The following AGXT variants were observed in gnomAD, a reference collection of about 807,000 sequenced individuals.
AGXT encodes L-alanine: glyoxylate aminotransferase 1.
AGXT carries 41 observed loss-of-function variants against 46.9 expected under a neutral mutation model. The observed-to-expected ratio is 0.88, with a 90% CI of 0.68 to 1.14. AGXT has a LOEUF of 1.14. Among genes scored for constraint, AGXT ranks in the 50% most tolerant of loss-of-function variants. AGXT has a pLI of 0.00. For synonymous variants in AGXT, 244 were observed against 227.9 expected (o/e 1.07, Z -0.64); for missense variants, 525 against 522.7 (o/e 1.00, Z -0.04).
chr2:240,874,081 C>A lies in AGXT; in HGVS notation c.680+19C>A. 3 of 1,610,650 alleles carry A rather than the reference C, an allele frequency of 1.9e-6. No homozygotes were observed. Among genetic ancestry groups the A allele is most frequent in the Non-Finnish European group, 2.5e-6 (3 of 1,177,634 alleles). On this transcript the variant is annotated intron_variant, in intron 6 of 10. Transcript: ENST00000307503. ...AGGCCAAGTGAGTGACCCACAGACC[C>A]TCACCTCTGTGCAGGGCTGGGCTTG...
At chr2:240,875,906 G>A (rs1011923004) in intron 7 of AGXT, 29 bp from the exon 8 acceptor site, 2 of 1,613,324 alleles carry the variant, frequency 1.2e-6, no homozygotes, top group Non-Finnish European at 8.5e-7. Flanking sequence ...TGCCCATGGT[G>A]CTGGACCAAG....
At chr2:240,871,657 C>T (rs1432098572) in intron 4 of AGXT, among the ~76,000 whole-genome samples, 1 of 152,172 alleles carries the variant, frequency 6.6e-6, no homozygotes, top group Admixed American at 6.5e-5. Flanking sequence ...TCAGGTGCTC[C>T]CTGGCCGAGC....
intron 8 of AGXT, among the ~76,000 whole-genome samples, chr2:240,876,530 G>A (rs932559312): frequency 6.6e-6 from 1 of 152,340 alleles, no homozygotes; most frequent in East Asian, 1.9e-4. Context: ...CTCAGGCCCA[G>A]CAGCTCTGCA....
chr2:240,877,805 C>T lies in AGXT; in HGVS notation c.942+173C>T, dbSNP rs4073369. 0.019 allele frequency among the ~76,000 whole-genome samples: 2,921 copies of T among 152,296 alleles called. 254 individuals are homozygous for T. Among genetic ancestry groups the T allele is most frequent in the Admixed American group, 0.14 (2,211 of 15,302 alleles). On this transcript the variant is annotated intron_variant, in intron 9 of 10. Transcript: ENST00000307503. ...GCAGGAGCCACGAAGTCACAGCTCC[C>T]GGCCTCTGATGCGGGATCTCAGGAC...
chr2:240,872,453 A>C (rs13020254), intron 4 of AGXT, among the ~76,000 whole-genome samples: 7,007 of 50,734 alleles, frequency 0.14, 211 homozygotes, highest in Non-Finnish European at 0.18. Flanking sequence ...AACATGCAGG[A>C]GGAGGAGGGC....
chr2:240,875,896 T>C (rs369330326), intron 7 of AGXT, 39 bp from the exon 8 acceptor site: 44 of 1,606,166 alleles, frequency 2.7e-5, no homozygotes, highest in Non-Finnish European at 3.6e-5. Context: ...CCCCCAACCC[T>C]GCCCATGGTG....
chr2:240,876,182 G>A (rs2059023979), intron 8 of AGXT, among the ~76,000 whole-genome samples, 178 bp downstream of exon 8: 2 of 152,188 alleles, frequency 1.3e-5, no homozygotes, highest in Admixed American at 1.3e-4. Flanking sequence ...TGCGGGCAGG[G>A]CCAGGGGGAT....
rs1482105511 is a variant in AGXT, at chr2:240,878,709, C to G, written c.1072-5C>G. 6.4e-7 allele frequency: 1 copy of G among 1,550,686 alleles called. No individual in the cohort carries two copies. Among genetic ancestry groups the G allele is most frequent in the East Asian group, 2.4e-5 (1 of 41,900 alleles). Reference sequence around the variant, plus strand: ...GCTGACGTCAGCCCGCCCTGTGCCCCCCAGGTGCTGCGGATCGGCCTGCTG... The same window carrying G: ...GCTGACGTCAGCCCGCCCTGTGCCCGCCAGGTGCTGCGGATCGGCCTGCTG... On this transcript the variant is annotated splice_region_variant and splice_polypyrimidine_tract_variant and intron_variant, in intron 10 of 10. Transcript: ENST00000307503.
At chr2:240,877,990 C>A (rs760415073) in intron 9 of AGXT, 32 bp from the exon 10 acceptor site, 2 of 1,606,976 alleles carry the variant, frequency 1.2e-6, no homozygotes, top group Admixed American at 3.3e-5. Context: ...CAGGGCCTCT[C>A]ACCCACGCAC....
At position 240,877,559 on chromosome 2, in the gene AGXT, A is replaced by C. The variant is rs1191080216; in HGVS notation, c.869A>C (p.Gln290Pro). Residue 290 changes from glutamine (Q) to proline (P), a missense_variant, in exon 9 of 11, where the codon CAG becomes CCG. Gln to Pro is a moderately conservative substitution (Grantham distance 76). Coordinates refer to ENST00000307503, the MANE Select transcript of AGXT (RefSeq NM_000030.3). ...AEQGLENSWR[Q>P]HREAAAYLHG... ...CAGGGCCTGGAGAACAGCTGGCGCC[A>C]GCACCGCGAGGCCGCGGCGTATCTG... 1 of 1,550,118 alleles carries C rather than the reference A, an allele frequency of 6.5e-7. No individual in the cohort carries two copies. Among genetic ancestry groups the C allele is most frequent in the Non-Finnish European group, 8.7e-7 (1 of 1,146,476 alleles).
intron 2 of AGXT, among the ~76,000 whole-genome samples, chr2:240,870,002 C>G (rs2058983127): frequency 6.6e-6 from 1 of 152,138 alleles, no homozygotes; most frequent in Non-Finnish European, 1.5e-5. Flanking sequence ...TCAAGGGGAC[C>G]CAGGGTCGGC....
At chr2:240,874,185 G>C in intron 6 of AGXT, 123 bp downstream of exon 6, 2 of 968,844 alleles carry the variant, frequency 2.1e-6, no homozygotes, top group Admixed American at 2.1e-5. Flanking sequence ...AGCACCTGGC[G>C]CTCTCCCGCC....
chr2:240,875,886 C>T (rs371698722), intron 7 of AGXT, 49 bp from the exon 8 acceptor site: 8 of 1,591,072 alleles, frequency 5.0e-6, no homozygotes, highest in Non-Finnish European at 5.2e-6. Context: ...GCCCCATCTG[C>T]CCCCAACCCT....
chr2:240,877,414 G>A (rs2059031416), intron 8 of AGXT, 123 bp from the exon 9 acceptor site: 2 of 937,298 alleles, frequency 2.1e-6, no homozygotes, highest in Non-Finnish European at 3.3e-6. Context: ...TCAAACTGGG[G>A]GCTCCAGGGG....
Position 240,879,487 on chromosome 2 carries a change from A to G in AGXT, c.*666A>G, listed in dbSNP as rs1260731045. The G allele has an allele frequency of 6.5e-6, 1 of 152,830 alleles. No individual in the cohort carries two copies. The highest frequency in any genetic ancestry group is 2.4e-5 in the African/African-American group (1 of 41,442). 9.5% of individuals were successfully genotyped at this position (152,830 alleles called of 1,614,324 possible). The stretch of plus-strand genomic sequence containing the variant: ...CCTCAACTGCCTGACTTCTGTGACC[A>G]TAGATCAGCCTGGCATATTTGAATT... On this transcript the variant is annotated 3_prime_UTR_variant, in exon 11 of 11. Transcript: ENST00000307503.
rs180177235 is a variant in AGXT, at chr2:240,872,987, G to A, written c.533G>A (p.Cys178Tyr). The part of the protein sequence containing the change: ...GFGELCHRYK[C>Y]LLLVDSVASL... ...GTCCCCCACCTCTCCAGGTACAAGT[G>A]CCTGCTCCTGGTGGATTCGGTGGCA... Residue 178 changes from cysteine (C) to tyrosine (Y), a missense_variant, in exon 5 of 11, where the codon TGC becomes TAC. Coordinates refer to ENST00000307503, the MANE Select transcript of AGXT (RefSeq NM_000030.3). The A allele has an allele frequency of 1.2e-6, 2 of 1,613,898 alleles. No homozygotes were observed. Among genetic ancestry groups the A allele is most frequent in the Non-Finnish European group, 1.7e-6 (2 of 1,179,864 alleles).
rs1424708436 is a variant in AGXT at position 240,878,166 on chromosome 2, T to C, written c.1071+16T>C. 6.2e-7 allele frequency: 1 copy of C among 1,611,770 alleles called. No homozygotes were observed. The highest frequency in any genetic ancestry group is 1.7e-5 in the Admixed American group (1 of 59,990). ...CACGGGGAAGGTGAGAGGGAGCGCC[T>C]CGAGGGCCTTTTGCAGAAACCAAAC... On this transcript the variant is annotated intron_variant, in intron 10 of 10. Coordinates refer to ENST00000307503, the MANE Select transcript of AGXT (RefSeq NM_000030.3).
intron 7 of AGXT, 133 bp from the exon 8 acceptor site, chr2:240,875,802 G>C: frequency 2.0e-6 from 2 of 989,290 alleles, no homozygotes; most frequent in South Asian, 2.8e-5. Flanking sequence ...AACCCGGACA[G>C]GACTCCTCTG....
intron 7 of AGXT, among the ~76,000 whole-genome samples, chr2:240,875,465 C>T (rs2059019044): frequency 6.6e-6 from 1 of 152,232 alleles, no homozygotes; most frequent in Non-Finnish European, 1.5e-5. Context: ...CCAGAGGTCC[C>T]AGCACACCCT....
Sources: allele counts gnomAD v4.1 joint callset (sites outside exome capture counted in the v4.1 genomes callset), GRCh38; gene constraint gnomAD v4.1.1; transcripts MANE v1.5; gene names NCBI Gene and HGNC (gene_info 2026-07-23, HGNC 2026-07-21).